The following VPS13B variants were observed in gnomAD, a reference collection of about 807,000 sequenced individuals.
The protein encoded by VPS13B is intermembrane lipid transfer protein VPS13B.
Under a neutral mutation model 426.4 loss-of-function variants are expected in VPS13B, and 285 were observed. The ratio of observed to expected loss-of-function variants is 0.67; its 90% CI spans 0.61 to 0.74. The LOEUF (loss-of-function observed/expected upper bound fraction) is 0.74. Among genes scored for constraint, VPS13B ranks in the 30% least tolerant of loss-of-function variants. The pLI is 0.00. For synonymous variants in VPS13B, 1,676 were observed against 1,676.4 expected, an observed-to-expected ratio of 1.00 and a Z score of 0.01; for missense variants, 4,537 against 4,782.6, an observed-to-expected ratio of 0.95 and a Z score of 1.51.
intron 19 of VPS13B, among the ~76,000 whole-genome samples, chr8:99,306,170 C>T (rs1196076745): frequency 6.6e-6 from 1 of 151,972 alleles, no homozygotes; most frequent in Non-Finnish European, 1.5e-5. Context: ...AAGACAAGGA[C>T]CTGTCATTTA....
intron 17 of VPS13B, among the ~76,000 whole-genome samples, chr8:99,220,137 A>G (rs1432176305): frequency 1.3e-5 from 2 of 152,184 alleles, no homozygotes; most frequent in African/African-American, 4.8e-5. Context: ...TTAGGTCTAC[A>G]GAGAGCTTAA....
At chr8:99,084,966 A>C (rs1349542614) in intron 3 of VPS13B, among the ~76,000 whole-genome samples, 2 of 151,828 alleles carry the variant, frequency 1.3e-5, no homozygotes, top group Non-Finnish European at 2.9e-5. Context: ...GATGTCTATT[A>C]GGTCTGCTTG....
At chr8:99,798,792 C>G (rs1812990324) in intron 43 of VPS13B, among the ~76,000 whole-genome samples, 1 of 152,202 alleles carries the variant, frequency 6.6e-6, no homozygotes, top group African/African-American at 2.4e-5. Flanking sequence ...CAAGCCAGTG[C>G]TCTGCAAATG....
chr8:99,213,357 T>A (rs1011151462), intron 17 of VPS13B, among the ~76,000 whole-genome samples: 2 of 152,102 alleles, frequency 1.3e-5, no homozygotes, highest in Non-Finnish European at 2.9e-5. Context: ...AAATATAACA[T>A]TTTTTCCAGA....
chr8:99,134,379 C>T (rs1028463812), intron 8 of VPS13B, among the ~76,000 whole-genome samples: 2 of 152,220 alleles, frequency 1.3e-5, no homozygotes, highest in East Asian at 3.9e-4. Context: ...ACACAGCTTT[C>T]ACTTTTTAAA....
intron 25 of VPS13B, among the ~76,000 whole-genome samples, chr8:99,499,981 A>C (rs1821139223): frequency 6.6e-6 from 1 of 152,156 alleles, no homozygotes; most frequent in Non-Finnish European, 1.5e-5. Flanking sequence ...AATGAGGTTA[A>C]AATAAAAGCC....
chr8:99,483,475 A>C (rs906240607), intron 25 of VPS13B, among the ~76,000 whole-genome samples: 1 of 152,230 alleles, frequency 6.6e-6, no homozygotes, highest in African/African-American at 2.4e-5. Context: ...AGCAGTTTCC[A>C]CACTTACTTA....
chr8:99,019,489 C>T (rs1383053365), intron 2 of VPS13B, among the ~76,000 whole-genome samples: 1 of 152,118 alleles, frequency 6.6e-6, no homozygotes, highest in Non-Finnish European at 1.5e-5. Context: ...CATGAGCCAT[C>T]GTGCCTGGCC....
In VPS13B at chr8:99,642,201, A is replaced by G. The variant is rs1181415186; in HGVS notation, c.5611A>G (p.Thr1871Ala). 6.2e-7 allele frequency: 1 copy of G among 1,614,156 alleles called. No individual in the cohort carries two copies. The highest frequency in any genetic ancestry group is 1.1e-5 in the South Asian group (1 of 91,080). The part of the protein sequence containing the change: ...KPNQACISTV[T>A]AEDLLRSSIS... ...CAACCAGGCATGTATTTCCACGGTGACAGCAGAAGATCTCTTAAGGAGCAG... is the reference window on the plus strand; with the variant it reads ...CAACCAGGCATGTATTTCCACGGTGGCAGCAGAAGATCTCTTAAGGAGCAG... The change falls in exon 34 of 62, where the codon ACA (threonine) becomes GCA (alanine). Residue 1871 changes from threonine (T) to alanine (A), a missense_variant. Coordinates refer to ENST00000357162, the MANE Select transcript of VPS13B (RefSeq NM_152564.5).
intron 17 of VPS13B, among the ~76,000 whole-genome samples, chr8:99,253,091 G>A (rs992541699): frequency 1.3e-5 from 2 of 152,048 alleles, no homozygotes; most frequent in East Asian, 1.9e-4. Context: ...CGTGGAATAT[G>A]TAATCTTTTG....
intron 5 of VPS13B, among the ~76,000 whole-genome samples, chr8:99,108,841 T>C (rs1313197880): frequency 1.3e-5 from 2 of 152,180 alleles, no homozygotes; most frequent in Non-Finnish European, 2.9e-5. Flanking sequence ...TGATAGGGAT[T>C]GCATTGATTT....
intron 19 of VPS13B, among the ~76,000 whole-genome samples, chr8:99,314,117 TG>T (rs1478488396): frequency 7.2e-5 from 11 of 152,188 alleles, no homozygotes; most frequent in Non-Finnish European, 4.4e-5. Flanking sequence ...TGCGCTTCCC[TG>T]GTGAGGCGAT....
chr8:99,264,006 T>G (rs1344168752), intron 17 of VPS13B, among the ~76,000 whole-genome samples: 2 of 152,216 alleles, frequency 1.3e-5, no homozygotes, highest in Non-Finnish European at 1.5e-5. Flanking sequence ...TAGAATATGC[T>G]ACCAATTGCA....
At chr8:99,808,439 C>T (rs1182318630) in intron 43 of VPS13B, among the ~76,000 whole-genome samples, 1 of 150,822 alleles carries the variant, frequency 6.6e-6, no homozygotes, top group African/African-American at 2.4e-5. Flanking sequence ...TCGCTTGAAC[C>T]CAGGACGTGG....
chr8:99,664,630 C>T (rs1014566962), intron 35 of VPS13B, among the ~76,000 whole-genome samples: 1 of 152,134 alleles, frequency 6.6e-6, no homozygotes, highest in Non-Finnish European at 1.5e-5. Flanking sequence ...ATCCTTGTCC[C>T]TACAAAGGAC....
intron 3 of VPS13B, among the ~76,000 whole-genome samples, chr8:99,082,614 T>C (rs1479828768): frequency 2.0e-5 from 3 of 152,224 alleles, no homozygotes; most frequent in Non-Finnish European, 4.4e-5. Flanking sequence ...TTTAAGTCTT[T>C]AATCATCTTG....
At position 99,763,151 on chromosome 8, in the gene VPS13B, A is replaced by G. The variant is rs550300182; in HGVS notation, c.7051-3623A>G. On this transcript the variant is annotated intron_variant, in intron 39 of 61. Transcript: ENST00000357162. Reference sequence around the variant, plus strand: ...ACCTTGTCTCAAAAAAAAAAAAAAAAAAAAAAAAAAAAAAGAAGAGAAAAA... The same window carrying G: ...ACCTTGTCTCAAAAAAAAAAAAAAAGAAAAAAAAAAAAAAGAAGAGAAAAA... Among the ~76,000 whole-genome samples, 431 of 150,328 alleles carry G rather than the reference A, an allele frequency of 2.9e-3. 4 individuals are homozygous for G. The highest frequency in any genetic ancestry group is 9.4e-3 in the African/African-American group (384 of 40,914).
chr8:99,285,001 C>T (rs568521781), intron 19 of VPS13B, among the ~76,000 whole-genome samples: 1 of 152,264 alleles, frequency 6.6e-6, no homozygotes, highest in East Asian at 1.9e-4. Context: ...ATTCTTTTCA[C>T]AATAGTACCC....
chr8:99,316,095 T>C (rs532712335), intron 19 of VPS13B, among the ~76,000 whole-genome samples: 72 of 152,320 alleles, frequency 4.7e-4, no homozygotes, highest in Non-Finnish European at 8.1e-4. Flanking sequence ...CCTGGTGCTC[T>C]GGAAGGCAGG....
Sources: gnomAD v4.1 joint callset for allele counts (sites outside exome capture counted in the v4.1 genomes callset) on GRCh38, gnomAD v4.1.1 for gene constraint, MANE v1.5 for transcripts, NCBI Gene and HGNC (gene_info 2026-07-23, HGNC 2026-07-21) for gene names.